CPNE4: variants seen among roughly 807,000 people sequenced by gnomAD.
CPNE4 encodes copine-4.
In CPNE4, 25 loss-of-function variants were observed where a neutral mutation model predicts 67.9. The observed-to-expected ratio is 0.37, with a 90% CI of 0.27 to 0.51. CPNE4 has a LOEUF of 0.51. Among genes scored for constraint, CPNE4 ranks in the 20% least tolerant of loss-of-function variants. CPNE4 has a pLI of 0.93. For synonymous variants in CPNE4, 242 were observed against 244.9 expected (o/e 0.99, Z 0.11); for missense variants, 464 against 690.8 (o/e 0.67, Z 3.68).
intron 7 of CPNE4, among the ~76,000 whole-genome samples, chr3:131,610,702 C>A (rs59560164): frequency 0.15 from 23,513 of 152,032 alleles, 2,265 homozygotes; most frequent in African/African-American, 0.27. Context: ...CTCTCCTATC[C>A]GTTATTTCTG....
At chr3:131,761,194 T>C (rs555491858) in intron 2 of CPNE4, among the ~76,000 whole-genome samples, 3 of 147,924 alleles carry the variant, frequency 2.0e-5, no homozygotes, top group African/African-American at 7.4e-5. Flanking sequence ...AAAGGCTTCT[T>C]CCACCTCACT....
At chr3:131,742,787 A>G (rs2082389657) in intron 2 of CPNE4, among the ~76,000 whole-genome samples, 2 of 152,154 alleles carry the variant, frequency 1.3e-5, no homozygotes, top group Admixed American at 6.5e-5. Flanking sequence ...AAGGAAAAAT[A>G]AAAATAGATA....
chr3:131,781,940 A>G (rs552050460), intron 2 of CPNE4, among the ~76,000 whole-genome samples: 1 of 152,204 alleles, frequency 6.6e-6, no homozygotes, highest in African/African-American at 2.4e-5. Context: ...CTAAGTGTCT[A>G]CTGCTGATTT....
At chr3:131,896,196 A>G (rs2088325519) in intron 2 of CPNE4, among the ~76,000 whole-genome samples, 1 of 152,070 alleles carries the variant, frequency 6.6e-6, no homozygotes, top group Non-Finnish European at 1.5e-5. Context: ...TGTATGTGAA[A>G]TATTATACAA....
chr3:131,646,202 T>G (rs959832488), intron 7 of CPNE4, among the ~76,000 whole-genome samples: 26 of 152,216 alleles, frequency 1.7e-4, no homozygotes, highest in African/African-American at 5.8e-4. Flanking sequence ...CCAAGAATTA[T>G]GAGTTAGGCC....
At chr3:131,680,689 A>G (rs1478809816) in intron 6 of CPNE4, among the ~76,000 whole-genome samples, 2 of 151,946 alleles carry the variant, frequency 1.3e-5, no homozygotes, top group Non-Finnish European at 2.9e-5. Flanking sequence ...TTTTATTTCT[A>G]TAGGTTTTTG....
chr3:131,857,057 C>T (rs549510349), intron 2 of CPNE4, among the ~76,000 whole-genome samples: 1 of 152,006 alleles, frequency 6.6e-6, no homozygotes, highest in Non-Finnish European at 1.5e-5. Context: ...ATCATATATA[C>T]ATACCACCTT....
At chr3:131,689,244 A>T (rs1379247582) in intron 5 of CPNE4, among the ~76,000 whole-genome samples, 1 of 152,142 alleles carries the variant, frequency 6.6e-6, no homozygotes, top group Admixed American at 6.6e-5. Flanking sequence ...CATAGTGACA[A>T]AGAAGAATTA....
rs543970348 is a variant in CPNE4, at chr3:131,890,422, T to A, written c.180+14842A>T. Among the ~76,000 whole-genome samples, 23 of 148,366 alleles carry A rather than the reference T, an allele frequency of 1.6e-4. No homozygotes were observed. In the South Asian group the frequency reaches 2.3e-3, roughly 15 times the overall value. On this transcript the variant is annotated intron_variant, in intron 2 of 15. Transcript: ENST00000429747. ...ACTCCTGTAAGCATAGGCATTATTA[T>A]TTTTTTTTTAGAAAAAAAAAACCTA...
At chr3:131,898,627 A>G (rs1480876383) in intron 2 of CPNE4, among the ~76,000 whole-genome samples, 1 of 152,108 alleles carries the variant, frequency 6.6e-6, no homozygotes, top group Non-Finnish European at 1.5e-5. Flanking sequence ...AATTAGTCAC[A>G]TATGCAATCC....
intron 2 of CPNE4, among the ~76,000 whole-genome samples, chr3:131,900,904 G>A (rs2107764889): frequency 6.6e-6 from 1 of 152,140 alleles, no homozygotes; most frequent in Admixed American, 6.5e-5. Flanking sequence ...TGATCCAAAG[G>A]TAGGTAGTTT....
At chr3:131,565,252 T>G (rs529593016) in intron 10 of CPNE4, among the ~76,000 whole-genome samples, 10 of 152,008 alleles carry the variant, frequency 6.6e-5, no homozygotes, top group Non-Finnish European at 1.3e-4. Context: ...GGAAGAAGGT[T>G]AAAATAAAAG....
At chr3:131,871,281 T>A (rs1481915916) in intron 2 of CPNE4, among the ~76,000 whole-genome samples, 1 of 152,118 alleles carries the variant, frequency 6.6e-6, no homozygotes, top group Non-Finnish European at 1.5e-5. Flanking sequence ...TGGAAGGTAA[T>A]CTTGGTTAAA....
At position 131,772,540 on chromosome 3, in the gene CPNE4, G is replaced by C. The variant is rs75512720; in HGVS notation, c.181-48915C>G. Among the ~76,000 whole-genome samples the C allele has an allele frequency of 5.3e-4, 81 of 152,190 alleles. 2 individuals carry two copies. The East Asian group carries it at 0.014, about 27-fold the overall frequency. On this transcript the variant is annotated intron_variant, in intron 2 of 15. Transcript: ENST00000429747. ...CATCTCCTCGAGCTGACTTATCAGAGAGCCAGAAGTGTAAGAAGCCATAAT... is the reference window on the plus strand; with the variant it reads ...CATCTCCTCGAGCTGACTTATCAGACAGCCAGAAGTGTAAGAAGCCATAAT...
intron 7 of CPNE4, among the ~76,000 whole-genome samples, chr3:131,655,859 T>A (rs865794014): frequency 6.6e-6 from 1 of 152,114 alleles, no homozygotes; most frequent in African/African-American, 2.4e-5. Flanking sequence ...AGTACTAGAC[T>A]TAATCCTTGC....
intron 2 of CPNE4, among the ~76,000 whole-genome samples, chr3:131,847,087 T>C (rs1414320836): frequency 1.3e-5 from 2 of 152,164 alleles, no homozygotes; most frequent in Non-Finnish European, 2.9e-5. Flanking sequence ...CTTGGCCTAA[T>C]GGTCTCTCTC....
At chr3:131,964,383 G>A (rs1390470640) in intron 1 of CPNE4, among the ~76,000 whole-genome samples, 3 of 152,030 alleles carry the variant, frequency 2.0e-5, no homozygotes, top group Non-Finnish European at 2.9e-5. Flanking sequence ...TTGACAAATT[G>A]ACAGAAGTAG....
chr3:132,022,637 T>A (rs1332113063), intron 1 of CPNE4, among the ~76,000 whole-genome samples: 1 of 152,194 alleles, frequency 6.6e-6, no homozygotes, highest in Non-Finnish European at 1.5e-5. Flanking sequence ...TCACAGTGAA[T>A]TTCAGCTTCT....
intron 1 of CPNE4, among the ~76,000 whole-genome samples, chr3:132,006,895 A>G (rs1390936953): frequency 6.6e-6 from 1 of 152,176 alleles, no homozygotes; most frequent in African/African-American, 2.4e-5. Flanking sequence ...TGATTCAAGA[A>G]TGGAATGATA....
Sources: allele counts gnomAD v4.1 joint callset (sites outside exome capture counted in the v4.1 genomes callset), GRCh38; gene constraint gnomAD v4.1.1; transcripts MANE v1.5; gene names NCBI Gene and HGNC (gene_info 2026-07-23, HGNC 2026-07-21).